RBFOX1: variants seen among roughly 807,000 people sequenced by gnomAD.
The protein encoded by RBFOX1 is RNA binding fox-1 homolog 1.
Under a neutral mutation model 57.7 loss-of-function variants are expected in RBFOX1, and 8 were observed. That is an observed-to-expected ratio of 0.14 (90% CI 0.08 to 0.25). The LOEUF (loss-of-function observed/expected upper bound fraction) is 0.25, where lower values mean the gene tolerates loss of function less well. RBFOX1 is among the 10% of genes least tolerant of loss of function. The pLI is 1.00. For missense variants in RBFOX1, 611 were observed against 548.5 expected, an observed-to-expected ratio of 1.11 and a Z score of -1.14; for synonymous variants, 326 against 222.4, an observed-to-expected ratio of 1.47 and a Z score of -4.15.
At chr16:7,103,173 A>G (rs989858475) in intron 4 of RBFOX1, among the ~76,000 whole-genome samples, 1 of 152,108 alleles carries the variant, frequency 6.6e-6, no homozygotes, top group African/African-American at 2.4e-5. Flanking sequence ...GGATTTGCAC[A>G]TTTCTTTCCA....
intron 3 of RBFOX1, among the ~76,000 whole-genome samples, chr16:5,723,501 C>G (rs193075647): frequency 4.8e-5 from 7 of 146,692 alleles, no homozygotes; most frequent in African/African-American, 1.9e-4. Context: ...CAGTGGCAGT[C>G]TCAGGCTTGG....
chr16:6,986,006 C>T (rs1372417657), intron 3 of RBFOX1, among the ~76,000 whole-genome samples: 2 of 151,422 alleles, frequency 1.3e-5, no homozygotes, highest in Admixed American at 1.3e-4. Context: ...TTTCATAAAA[C>T]ATCTTGCAGA....
At chr16:6,869,486 A>G (rs990790583) in intron 3 of RBFOX1, among the ~76,000 whole-genome samples, 1 of 149,668 alleles carries the variant, frequency 6.7e-6, no homozygotes, top group African/African-American at 2.5e-5. Flanking sequence ...TTTTTTTTTA[A>G]TGTAAATGCC....
chr16:5,494,793 G>C (rs1324746310), intron 2 of RBFOX1, among the ~76,000 whole-genome samples: 1 of 152,168 alleles, frequency 6.6e-6, no homozygotes. Flanking sequence ...ATCTGGGGTG[G>C]ATCAACTAAG....
Position 7,713,239 on chromosome 16 carries a change from A to G in RBFOX1, c.*2494A>G, listed in dbSNP as rs1212806552. 1 of 152,228 alleles carries G rather than the reference A, an allele frequency of 6.6e-6. No individual in the cohort carries two copies. Among genetic ancestry groups the G allele is most frequent in the African/African-American group, 2.4e-5 (1 of 41,454 alleles). The allele number at this position is 152,228 out of a possible 1,614,324, so 9.4% of individuals were successfully genotyped here. ...ATCTGCAAACCCAGAAAATGTGTAT[A>G]TCTGTCTTTAGAAATTAGTGTTTAT... On this transcript the variant is annotated 3_prime_UTR_variant, in exon 16 of 16. Transcript: ENST00000550418.
intron 3 of RBFOX1, among the ~76,000 whole-genome samples, chr16:5,608,705 GT>G (rs1285304516): frequency 6.6e-6 from 1 of 152,226 alleles, no homozygotes; most frequent in Non-Finnish European, 1.5e-5. Context: ...CCCTGTAATA[GT>G]TGTAGGGCTA....
chr16:6,659,930 G>A (rs1028393026), intron 3 of RBFOX1, among the ~76,000 whole-genome samples: 3 of 152,086 alleles, frequency 2.0e-5, no homozygotes, highest in African/African-American at 7.2e-5. Context: ...AGAAATTATT[G>A]CTTAAAGAGT....
intron 2 of RBFOX1, among the ~76,000 whole-genome samples, chr16:6,476,916 C>T (rs933152180): frequency 2.0e-5 from 3 of 152,180 alleles, no homozygotes; most frequent in African/African-American, 7.2e-5. Context: ...CAACAAGGAT[C>T]ATAGTATCTT....
At chr16:7,392,685 G>C (rs111701710) in intron 4 of RBFOX1, among the ~76,000 whole-genome samples, 7 of 152,284 alleles carry the variant, frequency 4.6e-5, no homozygotes, top group African/African-American at 1.7e-4. Context: ...AGTAGCATAA[G>C]CACAAGGAAT....
At chr16:7,479,931 C>T (rs1186671560) in intron 4 of RBFOX1, among the ~76,000 whole-genome samples, 1 of 152,112 alleles carries the variant, frequency 6.6e-6, no homozygotes, top group East Asian at 1.9e-4. Context: ...TGTCAGCAAC[C>T]GTTATTAAAT....
chr16:6,891,167 A>C (rs764440493), intron 3 of RBFOX1, among the ~76,000 whole-genome samples: 1 of 152,208 alleles, frequency 6.6e-6, no homozygotes, highest in African/African-American at 2.4e-5. Flanking sequence ...ACAGGTGCCA[A>C]TGCATCCATT....
At chr16:6,171,936 C>G (rs767815245) in intron 1 of RBFOX1, among the ~76,000 whole-genome samples, 8 of 152,026 alleles carry the variant, frequency 5.3e-5, no homozygotes, top group Non-Finnish European at 1.0e-4. Context: ...ATTGTCCTGC[C>G]TCAGCCTCCT....
intron 14 of RBFOX1, among the ~76,000 whole-genome samples, chr16:7,692,871 A>AAAGTGC (rs1411597013): frequency 7.1e-6 from 1 of 141,522 alleles, no homozygotes; most frequent in Non-Finnish European, 1.5e-5. Context: ...GTCTTCTGAA[A>AAAGTGC]TGACAGCACT....
At chr16:5,868,483 A>T (rs1025638319) in intron 4 of RBFOX1, among the ~76,000 whole-genome samples, 3 of 152,208 alleles carry the variant, frequency 2.0e-5, no homozygotes, top group Admixed American at 6.5e-5. Flanking sequence ...TTAGTAGGGT[A>T]AAATAGAATA....
intron 4 of RBFOX1, among the ~76,000 whole-genome samples, chr16:7,138,661 G>A (rs751429435): frequency 6.6e-6 from 1 of 152,170 alleles, no homozygotes; most frequent in East Asian, 1.9e-4. Flanking sequence ...AGGTGAAGGG[G>A]ATGGGGAGGA....
intron 3 of RBFOX1, among the ~76,000 whole-genome samples, chr16:6,780,757 T>C (rs1266821251): frequency 3.3e-5 from 5 of 151,668 alleles, no homozygotes; most frequent in Non-Finnish European, 7.4e-5. Context: ...ACGTTGAGCA[T>C]TTTTCCGCAT....
At chr16:6,765,084 G>A (rs752562094) in intron 3 of RBFOX1, among the ~76,000 whole-genome samples, 15 of 152,110 alleles carry the variant, frequency 9.9e-5, no homozygotes, top group Non-Finnish European at 1.8e-4. Context: ...TAAAGAATGC[G>A]AGGGAATCTG....
At chr16:5,625,348 A>G (rs1225150056) in intron 3 of RBFOX1, among the ~76,000 whole-genome samples, 1 of 151,954 alleles carries the variant, frequency 6.6e-6, no homozygotes, top group African/African-American at 2.4e-5. Context: ...CTCCACTCTG[A>G]TGCTCACTGC....
Position 7,321,113 on chromosome 16 carries a change from A to ATATACATATACC in RBFOX1, c.28-197023_28-197022insCTATACATATAC, listed in dbSNP as rs2096538144. Among the ~76,000 whole-genome samples, 3 of 150,340 alleles carry ATATACATATACC rather than the reference A, an allele frequency of 2.0e-5. No individual in the cohort carries two copies. In the South Asian group the frequency reaches 6.3e-4, roughly 32 times the overall value. Reference sequence around the variant, plus strand: ...CATATACATATACATATACATATACATATACATATACATATACTTATACTT... The same window carrying ATATACATATACC: ...CATATACATATACATATACATATACATATACATATACCTATACATATACATATACTTATACTT... On this transcript the variant is annotated intron_variant, in intron 4 of 15. Transcript: ENST00000550418.
Sources: gnomAD v4.1 joint callset for allele counts (sites outside exome capture counted in the v4.1 genomes callset) on GRCh38, gnomAD v4.1.1 for gene constraint, MANE v1.5 for transcripts, NCBI Gene and HGNC (gene_info 2026-07-23, HGNC 2026-07-21) for gene names.